DSCAM: variants seen among roughly 807,000 people sequenced by gnomAD.
The protein encoded by DSCAM is DS cell adhesion molecule.
A neutral mutation model predicts 217.7 loss-of-function variants in DSCAM; 47 were observed. That is an observed-to-expected ratio of 0.22 (90% CI 0.17 to 0.28). The LOEUF (loss-of-function observed/expected upper bound fraction) is 0.28. DSCAM is among the 10% of genes least tolerant of loss of function. The probability of loss-of-function intolerance (pLI) is 1.00; values close to 1 mark genes in which losing one functional copy is unlikely to be tolerated. For synonymous variants in DSCAM, 1,056 were observed against 1,015.3 expected, an observed-to-expected ratio of 1.04 and a Z score of -0.76; for missense variants, 2,080 against 2,618.3, an observed-to-expected ratio of 0.79 and a Z score of 4.49.
At chr21:40,384,027 G>C (rs1280977539) in intron 3 of DSCAM, 1 of 152,266 alleles carries the variant, frequency 6.6e-6, no homozygotes, top group African/African-American at 2.4e-5. Context: ...TACTTAGGGG[G>C]ACTAGGAAAC....
intron 3 of DSCAM, among the ~76,000 whole-genome samples, chr21:40,458,666 T>G (rs1383674857): frequency 6.6e-6 from 1 of 152,140 alleles, no homozygotes; most frequent in Non-Finnish European, 1.5e-5. Flanking sequence ...GATTGTTGAT[T>G]AAACATCAAA....
At chr21:40,187,030 G>A in intron 14 of DSCAM, 101 bp downstream of exon 14, 1 of 1,450,590 alleles carries the variant, frequency 6.9e-7, no homozygotes, top group Non-Finnish European at 9.3e-7. Flanking sequence ...CTGAGCTCCT[G>A]TGAGCTGAGC....
At chr21:40,601,979 T>C (rs561706856) in intron 3 of DSCAM, among the ~76,000 whole-genome samples, 42 of 152,210 alleles carry the variant, frequency 2.8e-4, no homozygotes, top group Admixed American at 9.8e-4. Flanking sequence ...TTTCTTGTGA[T>C]GTCTTTATCT....
intron 16 of DSCAM, among the ~76,000 whole-genome samples, chr21:40,159,749 A>G (rs2090519321): frequency 6.6e-6 from 1 of 152,012 alleles, no homozygotes; most frequent in Non-Finnish European, 1.5e-5. Context: ...TGCCTGGCTA[A>G]TTTTTGTATT....
chr21:40,500,182 T>C (rs554028482), intron 3 of DSCAM, among the ~76,000 whole-genome samples: 60 of 152,328 alleles, frequency 3.9e-4, no homozygotes, highest in Admixed American at 1.1e-3. Flanking sequence ...ACACATGATT[T>C]GCTTCTTTTT....
chr21:40,698,486 C>A (rs2090618586), intron 2 of DSCAM, among the ~76,000 whole-genome samples: 1 of 152,142 alleles, frequency 6.6e-6, no homozygotes, highest in Non-Finnish European at 1.5e-5. Flanking sequence ...CAATGAGGAA[C>A]TGGGGGAGGG....
chr21:40,524,352 T>C (rs2146094915), intron 3 of DSCAM, among the ~76,000 whole-genome samples: 1 of 152,298 alleles, frequency 6.6e-6, no homozygotes, highest in South Asian at 2.1e-4. Context: ...TTTTTTTCCT[T>C]TTCTATGTTT....
intron 28 of DSCAM, among the ~76,000 whole-genome samples, chr21:40,061,054 C>T (rs944631960): frequency 6.6e-6 from 1 of 152,308 alleles, no homozygotes; most frequent in African/African-American, 2.4e-5. Flanking sequence ...CTTTGCTTTT[C>T]CTCTGAGCTC....
chr21:40,700,035 T>A (rs1346058376), intron 2 of DSCAM, among the ~76,000 whole-genome samples: 1 of 152,220 alleles, frequency 6.6e-6, no homozygotes, highest in African/African-American at 2.4e-5. Context: ...CTGATTCTTG[T>A]TAAGGGTTAA....
chr21:40,558,696 C>G (rs1258594024), intron 3 of DSCAM, among the ~76,000 whole-genome samples: 1 of 152,152 alleles, frequency 6.6e-6, no homozygotes, highest in Non-Finnish European at 1.5e-5. Context: ...CTTTTTTACA[C>G]TTATTTTCAA....
chr21:40,648,833 A>G (rs12482259), intron 3 of DSCAM, among the ~76,000 whole-genome samples: 57,914 of 151,966 alleles, frequency 0.38, 11,858 homozygotes, highest in East Asian at 0.6. Flanking sequence ...CCATCACTCA[A>G]TACAATTCTT....
At chr21:40,412,361 G>A (rs1242559289) in intron 3 of DSCAM, among the ~76,000 whole-genome samples, 1 of 152,138 alleles carries the variant, frequency 6.6e-6, no homozygotes, top group Admixed American at 6.5e-5. Flanking sequence ...GGAAAATATG[G>A]GAAAGTTTGG....
At chr21:40,030,967 C>T (rs1192723049) in intron 32 of DSCAM, among the ~76,000 whole-genome samples, 1 of 152,150 alleles carries the variant, frequency 6.6e-6, no homozygotes, top group Non-Finnish European at 1.5e-5. Flanking sequence ...GTTCAAGAGG[C>T]CATCCCCTGT....
At chr21:40,085,560 C>T (rs1474439115) in intron 23 of DSCAM, 42 bp downstream of exon 23, 2 of 1,423,212 alleles carry the variant, frequency 1.4e-6, no homozygotes, top group Admixed American at 2.2e-5. Flanking sequence ...AGAAAGCATA[C>T]ATGTAAAAGA....
chr21:40,787,495 T>A lies in DSCAM; in HGVS notation c.43+59124A>T, dbSNP rs142968241. On this transcript the variant is annotated intron_variant, in intron 1 of 32. Transcript: ENST00000400454. The stretch of plus-strand genomic sequence containing the variant: ...CTCAAGAAAAGATGCACGTCCCTCA[T>A]AATGTCAAAACGATTGGGTTATCTT... 5.6e-4 allele frequency among the ~76,000 whole-genome samples: 86 copies of A among 152,314 alleles called. 2 individuals are homozygous for A. The East Asian group carries it at 0.016, about 28-fold the overall frequency.
rs142080677 is a variant in DSCAM at position 40,116,627 on chromosome 21, A to G, written c.3696+7568T>C. Among the ~76,000 whole-genome samples, 671 of 152,144 alleles carry G rather than the reference A, an allele frequency of 4.4e-3. 7 individuals carry two copies. Among genetic ancestry groups the G allele is most frequent in the African/African-American group, 0.016 (644 of 41,498 alleles). On this transcript the variant is annotated intron_variant, in intron 20 of 32. Coordinates refer to ENST00000400454, the MANE Select transcript of DSCAM (RefSeq NM_001389.5). ...TGTATATGATTCATTACATGTGCGT[A>G]AATGGAATACAATTGTCTATTTTTA... is the stretch of plus-strand genomic sequence containing the variant.
At chr21:40,830,165 G>A (rs951588193) in intron 1 of DSCAM, among the ~76,000 whole-genome samples, 1 of 152,184 alleles carries the variant, frequency 6.6e-6, no homozygotes, top group Non-Finnish European at 1.5e-5. Flanking sequence ...CCTGGTGCTG[G>A]CATCTACTCA....
intron 3 of DSCAM, among the ~76,000 whole-genome samples, chr21:40,580,645 A>G (rs1176863066): frequency 1.3e-5 from 2 of 152,174 alleles, no homozygotes; most frequent in Non-Finnish European, 2.9e-5. Context: ...ACTTATATAA[A>G]CTTCCACACC....
intron 3 of DSCAM, among the ~76,000 whole-genome samples, chr21:40,498,041 G>A (rs1475402938): frequency 6.6e-6 from 1 of 152,120 alleles, no homozygotes; most frequent in Admixed American, 6.6e-5. Flanking sequence ...ATGGATTTTG[G>A]CATTAGATCT....
Sources: allele counts gnomAD v4.1 joint callset (sites outside exome capture counted in the v4.1 genomes callset), GRCh38; gene constraint gnomAD v4.1.1; transcripts MANE v1.5; gene names NCBI Gene and HGNC (gene_info 2026-07-23, HGNC 2026-07-21).